The following ARHGAP24 variants were observed in gnomAD, a reference collection of about 807,000 sequenced individuals.
The protein encoded by ARHGAP24 is rho GTPase-activating protein 24.
A neutral mutation model predicts 76.4 loss-of-function variants in ARHGAP24; 50 were observed. The observed-to-expected ratio is 0.65, with a 90% CI of 0.52 to 0.83. The LOEUF (loss-of-function observed/expected upper bound fraction) is 0.83, where lower values mean the gene tolerates loss of function less well. ARHGAP24 is among the 40% of genes least tolerant of loss of function. ARHGAP24 has a pLI of 0.00. For missense variants in ARHGAP24, 930 were observed against 914.2 expected, an observed-to-expected ratio of 1.02 and a Z score of -0.22; for synonymous variants, 345 against 323.3, an observed-to-expected ratio of 1.07 and a Z score of -0.72.
intron 3 of ARHGAP24, among the ~76,000 whole-genome samples, chr4:85,851,593 T>G (rs778605035): frequency 6.6e-6 from 1 of 152,210 alleles, no homozygotes; most frequent in Non-Finnish European, 1.5e-5. Context: ...GTACCAGTTG[T>G]TCCTTTCCAT....
intron 3 of ARHGAP24, among the ~76,000 whole-genome samples, chr4:85,777,023 A>G (rs1186670430): frequency 6.6e-6 from 1 of 152,230 alleles, no homozygotes; most frequent in Non-Finnish European, 1.5e-5. Context: ...GGGCTCAAAC[A>G]GACATAATCA....
intron 3 of ARHGAP24, among the ~76,000 whole-genome samples, chr4:85,890,143 C>T (rs894874180): frequency 2.0e-5 from 3 of 152,116 alleles, no homozygotes; most frequent in South Asian, 2.1e-4. Context: ...GGACAATCAG[C>T]GCCTTTCCTC....
At chr4:85,769,600 G>A (rs944436292) in intron 3 of ARHGAP24, among the ~76,000 whole-genome samples, 1 of 151,522 alleles carries the variant, frequency 6.6e-6, no homozygotes, top group Non-Finnish European at 1.5e-5. Context: ...ACAGTAAATT[G>A]TTAGTAGTGG....
chr4:85,704,519 A>G (rs1447476495), intron 2 of ARHGAP24, among the ~76,000 whole-genome samples: 2 of 152,324 alleles, frequency 1.3e-5, no homozygotes, highest in Non-Finnish European at 2.9e-5. Flanking sequence ...ATCTAAATGT[A>G]ACTTTTGCCA....
intron 8 of ARHGAP24, chr4:85,991,832 C>G (rs1740347829): frequency 3.9e-6 from 1 of 253,400 alleles, no homozygotes; most frequent in East Asian, 6.9e-5. Flanking sequence ...CAAAATGACA[C>G]ATGTACAAAG....
chr4:85,679,114 C>G (rs974790213), intron 2 of ARHGAP24, among the ~76,000 whole-genome samples: 1 of 152,040 alleles, frequency 6.6e-6, no homozygotes, highest in Non-Finnish European at 1.5e-5. Context: ...CATGGCAAGA[C>G]AAGTTATATG....
At chr4:85,874,144 T>C (rs1039688454) in intron 3 of ARHGAP24, among the ~76,000 whole-genome samples, 2 of 152,104 alleles carry the variant, frequency 1.3e-5, no homozygotes, top group Non-Finnish European at 2.9e-5. Context: ...AAAACAACGA[T>C]AACAATCTGT....
intron 4 of ARHGAP24, among the ~76,000 whole-genome samples, chr4:85,940,761 A>G (rs1401945376): frequency 6.6e-6 from 1 of 152,196 alleles, no homozygotes; most frequent in East Asian, 1.9e-4. Context: ...TAAGTTACTA[A>G]ACATTATTTC....
At chr4:85,615,831 C>G (rs544534878) in intron 2 of ARHGAP24, among the ~76,000 whole-genome samples, 1 of 152,278 alleles carries the variant, frequency 6.6e-6, no homozygotes, top group South Asian at 2.1e-4. Context: ...AATCAATAAG[C>G]ATTTCTAACT....
chr4:85,773,653 A>G (rs13108185), intron 3 of ARHGAP24, among the ~76,000 whole-genome samples: 146,117 of 152,272 alleles, frequency 0.96, 70,415 homozygotes, highest in East Asian at 1. Flanking sequence ...TTCTGAGGCA[A>G]GAGTTAGTCT....
chr4:85,910,238 C>T (rs1488691150), intron 3 of ARHGAP24, among the ~76,000 whole-genome samples: 2 of 152,196 alleles, frequency 1.3e-5, no homozygotes. Flanking sequence ...AGTCACAGCC[C>T]TGGCCTGGGG....
intron 3 of ARHGAP24, among the ~76,000 whole-genome samples, chr4:85,877,231 G>A (rs115111521): frequency 3.3e-4 from 51 of 152,240 alleles, no homozygotes; most frequent in African/African-American, 1.1e-3. Flanking sequence ...TTCACATTGT[G>A]TATATTTTAT....
chr4:85,515,305 T>C (rs1004600141), intron 1 of ARHGAP24, among the ~76,000 whole-genome samples: 1 of 151,974 alleles, frequency 6.6e-6, no homozygotes, highest in African/African-American at 2.4e-5. Context: ...TATAAAAGGG[T>C]ATATGCAAAG....
At chr4:85,698,122 G>A (rs1445334216) in intron 2 of ARHGAP24, among the ~76,000 whole-genome samples, 2 of 152,170 alleles carry the variant, frequency 1.3e-5, no homozygotes, top group Non-Finnish European at 2.9e-5. Flanking sequence ...CTAAAACTTT[G>A]TTAAGGCTTT....
At position 85,542,492 on chromosome 4, in the gene ARHGAP24, G is replaced by A. The variant is rs569769418; in HGVS notation, c.-20-28030G>A. On this transcript the variant is annotated intron_variant, in intron 1 of 9. Coordinates refer to ENST00000395184, the MANE Select transcript of ARHGAP24 (RefSeq NM_001025616.3). Reference sequence around the variant, plus strand: ...CCCTGTTTCAAATGACTCTGTTGGCGGTAGGAAATCTATTTCTGTGCAGTT... The same window carrying A: ...CCCTGTTTCAAATGACTCTGTTGGCAGTAGGAAATCTATTTCTGTGCAGTT... 5.3e-4 allele frequency among the ~76,000 whole-genome samples: 80 copies of A among 152,118 alleles called. No individual in the cohort carries two copies. The South Asian group carries it at 9.5e-3, about 18-fold the overall frequency.
chr4:85,839,107 A>C (rs996307089), intron 3 of ARHGAP24, among the ~76,000 whole-genome samples: 15 of 152,352 alleles, frequency 9.8e-5, no homozygotes, highest in Middle Eastern at 3.4e-3. Flanking sequence ...ATTACAATGA[A>C]CTAAAAATGG....
intron 3 of ARHGAP24, among the ~76,000 whole-genome samples, chr4:85,782,920 C>T (rs986259927): frequency 1.3e-5 from 2 of 151,968 alleles, no homozygotes; most frequent in East Asian, 1.9e-4. Context: ...AAAAAGACAT[C>T]GACAAATAAA....
chr4:85,570,441 T>C (rs186733475), intron 1 of ARHGAP24, 81 bp from the exon 2 acceptor site: 1 of 848,596 alleles, frequency 1.2e-6, no homozygotes. Context: ...CTTTTTTTTT[T>C]TCTGGAGAAG....
chr4:85,495,631 C>T (rs556152400), intron 1 of ARHGAP24, among the ~76,000 whole-genome samples: 1 of 152,080 alleles, frequency 6.6e-6, no homozygotes, highest in East Asian at 1.9e-4. Context: ...GGATTACAGG[C>T]GTGAGCCACC....
Sources: allele counts gnomAD v4.1 joint callset (sites outside exome capture counted in the v4.1 genomes callset), GRCh38; gene constraint gnomAD v4.1.1; transcripts MANE v1.5; gene names NCBI Gene and HGNC (gene_info 2026-07-23, HGNC 2026-07-21).